Variants in GUCY1A2 observed in about 807,000 individuals in gnomAD.
GUCY1A2 encodes the protein guanylate cyclase 1 soluble subunit alpha 2.
A neutral mutation model predicts 63.5 loss-of-function variants in GUCY1A2; 27 were observed. The ratio of observed to expected loss-of-function variants is 0.43; its 90% CI spans 0.31 to 0.59. The LOEUF (loss-of-function observed/expected upper bound fraction) is 0.59. Among genes scored for constraint, GUCY1A2 ranks in the 20% least tolerant of loss-of-function variants. GUCY1A2 has a pLI of 0.11. For missense variants in GUCY1A2, 768 were observed against 913.3 expected (o/e 0.84, Z 2.05); for synonymous variants, 364 against 343.5 (o/e 1.06, Z -0.66).
chr11:106,892,759 T>C (rs1487147475), intron 4 of GUCY1A2, among the ~76,000 whole-genome samples: 1 of 152,136 alleles, frequency 6.6e-6, no homozygotes, highest in Non-Finnish European at 1.5e-5. Flanking sequence ...TATTGTGTGA[T>C]GGGGGTCTTG....
chr11:106,787,660 T>C (rs1173036541), intron 5 of GUCY1A2, among the ~76,000 whole-genome samples: 2 of 143,504 alleles, frequency 1.4e-5, no homozygotes, highest in Non-Finnish European at 3.1e-5. Context: ...GCCTGGCTTG[T>C]TTCAGTTAAC....
intron 4 of GUCY1A2, among the ~76,000 whole-genome samples, chr11:106,906,973 ATACT>A (rs1352703222): frequency 6.6e-6 from 1 of 152,104 alleles, no homozygotes; most frequent in African/African-American, 2.4e-5. Flanking sequence ...ATTAGGAGAA[ATACT>A]TAATATAGAT....
intron 4 of GUCY1A2, among the ~76,000 whole-genome samples, chr11:106,925,748 T>C (rs1176490348): frequency 2.6e-5 from 4 of 152,158 alleles, no homozygotes; most frequent in South Asian, 2.1e-4. Flanking sequence ...TTTTGAAAAA[T>C]ACAACTGAAA....
At position 106,683,850 on chromosome 11, in the gene GUCY1A2, T is replaced by C. The variant is rs79814702; in HGVS notation, c.*3699A>G. The C allele has an allele frequency of 1.8e-3, 382 of 207,992 alleles. 3 individuals are homozygous for C. The highest frequency in any genetic ancestry group is 8.0e-3 in the African/African-American group (354 of 44,004). The allele number at this position is 207,992 out of a possible 1,614,324, so 12.9% of individuals were successfully genotyped here. A position where few individuals can be genotyped will look rare whatever the true frequency, so the allele number is the denominator to read the frequency against. ...GTCATAATTTTGAGCTCCTACCTGA[T>C]GCCTTACGACTTTAGATACACAATT... On this transcript the variant is annotated 3_prime_UTR_variant, in exon 8 of 8. Transcript: ENST00000526355.
chr11:106,992,618 C>T (rs1183701451), intron 1 of GUCY1A2, among the ~76,000 whole-genome samples: 1 of 152,100 alleles, frequency 6.6e-6, no homozygotes, highest in Non-Finnish European at 1.5e-5. Flanking sequence ...GCATGAGCCA[C>T]CACGCCCGGC....
In GUCY1A2 at chr11:106,800,566, G is replaced by T. The variant is rs1036951771; in HGVS notation, c.1692+9427C>A. Among the ~76,000 whole-genome samples, 7 of 152,116 alleles carry T rather than the reference G, an allele frequency of 4.6e-5. 1 individual carries two copies. The highest frequency in any genetic ancestry group is 3.4e-3 in the Middle Eastern group (1 of 294). ...TGGAATACTATGCAGCCATAAAAAA[G>T]GATGAGTTCATGTCCTTTGTAGGGA... On this transcript the variant is annotated intron_variant, in intron 5 of 7. Transcript: ENST00000526355.
chr11:106,828,745 C>T (rs912760774), intron 4 of GUCY1A2, among the ~76,000 whole-genome samples: 2 of 152,146 alleles, frequency 1.3e-5, no homozygotes. Flanking sequence ...CCACCATAGA[C>T]GGCTCTGTGC....
rs562027710 is a variant in GUCY1A2, at chr11:106,876,468, A to G, written c.1206+62992T>C. 3.3e-5 allele frequency among the ~76,000 whole-genome samples: 5 copies of G among 152,194 alleles called. No individual in the cohort carries two copies. The East Asian group carries it at 9.7e-4, about 29-fold the overall frequency. On this transcript the variant is annotated intron_variant, in intron 4 of 7. Transcript: ENST00000526355. ...TATAGAAATGCATTGTATCCAACAT[A>G]CGTAAATAACTATGCAAGGTACCAC...
At chr11:106,890,492 G>T (rs1419835431) in intron 4 of GUCY1A2, among the ~76,000 whole-genome samples, 1 of 152,092 alleles carries the variant, frequency 6.6e-6, no homozygotes, top group East Asian at 1.9e-4. Context: ...CTCAGTAAAT[G>T]GCCATTGCTA....
At chr11:106,908,084 C>G (rs546285326) in intron 4 of GUCY1A2, among the ~76,000 whole-genome samples, 1 of 151,956 alleles carries the variant, frequency 6.6e-6, no homozygotes, top group East Asian at 1.9e-4. Context: ...TCATGTACAC[C>G]AAATGTAGTA....
chr11:106,858,382 T>G (rs1859465198), intron 4 of GUCY1A2, among the ~76,000 whole-genome samples: 2 of 152,130 alleles, frequency 1.3e-5, no homozygotes, highest in South Asian at 4.1e-4. Context: ...ATTAAAGGAC[T>G]TAGGGCACTA....
In GUCY1A2 at chr11:106,677,509, G is replaced by A. The variant is rs1189454871; in HGVS notation, c.*10040C>T. 4.8e-6 allele frequency: 1 copy of A among 208,524 alleles called. No homozygotes were observed. The highest frequency in any genetic ancestry group is 9.8e-6 in the Non-Finnish European group (1 of 102,404). The allele number at this position is 208,524 out of a possible 1,614,324, so 12.9% of individuals were successfully genotyped here. On this transcript the variant is annotated 3_prime_UTR_variant, in exon 8 of 8. Transcript: ENST00000526355. ...CCCAGCAGATAATAAATTCTGCACT[G>A]GGGAGACATCTATGATGTGACAAGT...
chr11:106,739,837 C>T (rs946851943), intron 6 of GUCY1A2, among the ~76,000 whole-genome samples: 2 of 152,124 alleles, frequency 1.3e-5, no homozygotes, highest in South Asian at 2.1e-4. Context: ...TGTTTCCCCT[C>T]CCTCCTGGAG....
intron 1 of GUCY1A2, among the ~76,000 whole-genome samples, chr11:106,995,218 A>C (rs1413312051): frequency 6.6e-6 from 1 of 152,220 alleles, no homozygotes; most frequent in Non-Finnish European, 1.5e-5. Context: ...CTTTGTGCTG[A>C]GTGCAACACT....
At chr11:106,973,845 C>G (rs768644531) in intron 3 of GUCY1A2, among the ~76,000 whole-genome samples, 3 of 152,068 alleles carry the variant, frequency 2.0e-5, no homozygotes, top group Non-Finnish European at 4.4e-5. Context: ...ATAATAAAAG[C>G]AAACATTCAT....
intron 5 of GUCY1A2, among the ~76,000 whole-genome samples, chr11:106,794,555 C>G (rs902464894): frequency 2.0e-4 from 31 of 151,884 alleles, no homozygotes; most frequent in African/African-American, 6.5e-4. Flanking sequence ...AATAGATCAA[C>G]TATGTATTAA....
At chr11:106,853,011 G>A (rs1358664124) in intron 4 of GUCY1A2, among the ~76,000 whole-genome samples, 2 of 152,122 alleles carry the variant, frequency 1.3e-5, no homozygotes, top group Non-Finnish European at 2.9e-5. Flanking sequence ...AAAATCTGCT[G>A]TTAGTCTGAT....
At chr11:107,014,231 G>A (rs890637596) in intron 1 of GUCY1A2, among the ~76,000 whole-genome samples, 1 of 151,844 alleles carries the variant, frequency 6.6e-6, no homozygotes, top group African/African-American at 2.4e-5. Context: ...TGGGACTACA[G>A]GTGCACGCCA....
intron 5 of GUCY1A2, among the ~76,000 whole-genome samples, chr11:106,807,287 G>C (rs998741631): frequency 2.0e-5 from 3 of 152,074 alleles, no homozygotes; most frequent in African/African-American, 7.2e-5. Context: ...ATAGTTCATG[G>C]TTTAAAATAG....
Sources: gnomAD v4.1 joint callset for allele counts (sites outside exome capture counted in the v4.1 genomes callset) on GRCh38, gnomAD v4.1.1 for gene constraint, MANE v1.5 for transcripts, NCBI Gene and HGNC (gene_info 2026-07-23, HGNC 2026-07-21) for gene names.